NRXN1: variants seen among roughly 807,000 people sequenced by gnomAD.
NRXN1 encodes neurexin 1.
In NRXN1, 39 loss-of-function variants were observed where a neutral mutation model predicts 150.9. The observed-to-expected ratio is 0.26, with a 90% confidence interval of 0.20 to 0.34. The LOEUF is 0.34. Among genes scored for constraint, NRXN1 ranks in the 10% least tolerant of loss-of-function variants. The pLI is 1.00. For missense variants in NRXN1, 1,815 were observed against 1,949.9 expected (o/e 0.93, Z 1.30); for synonymous variants, 924 against 757.0 (o/e 1.22, Z -3.62).
intron 5 of NRXN1, among the ~76,000 whole-genome samples, chr2:50,627,440 A>G (rs1462778905): frequency 1.3e-5 from 2 of 149,756 alleles, no homozygotes; most frequent in Non-Finnish European, 3.0e-5. Context: ...ATTGTCTGGC[A>G]TTGCAGGTAA....
At chr2:50,424,147 G>GAGGA (rs2084257049) in intron 17 of NRXN1, among the ~76,000 whole-genome samples, 4 of 111,712 alleles carry the variant, frequency 3.6e-5, no homozygotes, top group Non-Finnish European at 5.6e-5. Flanking sequence ...GGAGGAGGGG[G>GAGGA]GGAGGAGGAA....
chr2:50,811,959 A>T (rs3850337), intron 5 of NRXN1, among the ~76,000 whole-genome samples: 6,810 of 152,216 alleles, frequency 0.045, 285 homozygotes, highest in Admixed American at 0.14. Flanking sequence ...ATCATTAAGC[A>T]ATTCCAACCT....
At chr2:50,720,748 T>C (rs994795325) in intron 5 of NRXN1, among the ~76,000 whole-genome samples, 4 of 152,190 alleles carry the variant, frequency 2.6e-5, no homozygotes, top group Admixed American at 1.3e-4. Context: ...AGTATTTTAA[T>C]ACAAGATAAC....
intron 21 of NRXN1, among the ~76,000 whole-genome samples, chr2:49,950,803 A>G (rs534625055): frequency 2.8e-4 from 42 of 152,054 alleles, no homozygotes; most frequent in African/African-American, 9.6e-4. Flanking sequence ...CATCTACCCA[A>G]TTTGAATGTG....
chr2:50,117,142 A>G (rs1157856553), intron 18 of NRXN1, among the ~76,000 whole-genome samples: 2 of 152,308 alleles, frequency 1.3e-5, no homozygotes, highest in African/African-American at 4.8e-5. Context: ...CTGTTTAGAC[A>G]AGAAAATCAG....
At position 50,643,884 on chromosome 2, in the gene NRXN1, G is replaced by A. The variant is rs552877765; in HGVS notation, c.833-20269C>T. On this transcript the variant is annotated intron_variant, in intron 5 of 22. Coordinates refer to ENST00000401669, the MANE Select transcript of NRXN1 (RefSeq NM_001330078.2). ...TTAGGCTTTTATAAACATTTAGCTT[G>A]CATATCAATTTTACAGTTTGTCAAG... is the stretch of plus-strand genomic sequence containing the variant. 4.0e-5 allele frequency among the ~76,000 whole-genome samples: 6 copies of A among 151,762 alleles called. No individual in the cohort carries two copies. The South Asian group carries it at 1.2e-3, about 32-fold the overall frequency.
chr2:50,511,322 T>A (rs1316183903), intron 12 of NRXN1, among the ~76,000 whole-genome samples: 1 of 152,210 alleles, frequency 6.6e-6, no homozygotes, highest in Non-Finnish European at 1.5e-5. Context: ...ACCAAAGTGC[T>A]GGAATTACAG....
At chr2:49,939,408 T>C (rs1193018626) in intron 22 of NRXN1, among the ~76,000 whole-genome samples, 2 of 152,208 alleles carry the variant, frequency 1.3e-5, no homozygotes, top group Non-Finnish European at 2.9e-5. Context: ...GAGCTGGGGT[T>C]CAATTAGCCC....
At chr2:50,042,270 C>A (rs1404274754) in intron 21 of NRXN1, among the ~76,000 whole-genome samples, 2 of 152,112 alleles carry the variant, frequency 1.3e-5, no homozygotes, top group Admixed American at 6.5e-5. Flanking sequence ...TTCCCATAAT[C>A]CCCATGTGCC....
intron 17 of NRXN1, among the ~76,000 whole-genome samples, chr2:50,397,396 A>G (rs544273693): frequency 7.2e-5 from 11 of 152,220 alleles, no homozygotes; most frequent in South Asian, 4.1e-4. Flanking sequence ...TAAGCAAAGA[A>G]TGACAAGCAG....
chr2:50,502,497 C>T (rs1010743372), intron 13 of NRXN1, among the ~76,000 whole-genome samples: 14 of 152,024 alleles, frequency 9.2e-5, no homozygotes, highest in East Asian at 3.9e-4. Context: ...CACACACACA[C>T]GAGTCATGGT....
intron 17 of NRXN1, among the ~76,000 whole-genome samples, chr2:50,398,590 C>T (rs893071854): frequency 6.6e-6 from 1 of 152,048 alleles, no homozygotes; most frequent in Non-Finnish European, 1.5e-5. Flanking sequence ...GCAGATAAAA[C>T]TGGGAAGGAG....
chr2:50,345,218 A>T (rs1386645793), intron 17 of NRXN1, among the ~76,000 whole-genome samples: 3 of 152,320 alleles, frequency 2.0e-5, no homozygotes, highest in African/African-American at 7.2e-5. Context: ...AAATTCCTAG[A>T]ACCCACAGGG....
chr2:50,127,428 T>A (rs1704767077), intron 18 of NRXN1, among the ~76,000 whole-genome samples: 1 of 152,176 alleles, frequency 6.6e-6, no homozygotes, highest in South Asian at 2.1e-4. Context: ...TTTTTGTCAC[T>A]TGAAATAGAA....
intron 18 of NRXN1, among the ~76,000 whole-genome samples, chr2:50,134,968 G>A (rs146748786): frequency 6.6e-6 from 1 of 152,068 alleles, no homozygotes; most frequent in African/African-American, 2.4e-5. Context: ...CCCCTCCACT[G>A]CCTCTTTCTT....
At chr2:50,377,969 C>T (rs1027419901) in intron 17 of NRXN1, among the ~76,000 whole-genome samples, 11 of 152,144 alleles carry the variant, frequency 7.2e-5, no homozygotes, top group Admixed American at 3.3e-4. Context: ...AAAGAACTGT[C>T]CAAGTTCAAT....
intron 17 of NRXN1, among the ~76,000 whole-genome samples, chr2:50,246,513 T>C (rs1399932160): frequency 6.6e-6 from 1 of 152,114 alleles, no homozygotes; most frequent in African/African-American, 2.4e-5. Flanking sequence ...ATCTTCTTCC[T>C]GCCTATCTGC....
chr2:50,951,373 T>C (rs1004809321), intron 2 of NRXN1, among the ~76,000 whole-genome samples: 3 of 152,198 alleles, frequency 2.0e-5, no homozygotes, highest in Non-Finnish European at 2.9e-5. Context: ...GACAGTACAG[T>C]ATGCTCATTG....
At chr2:50,680,057 G>A (rs1267449644) in intron 5 of NRXN1, among the ~76,000 whole-genome samples, 1 of 152,034 alleles carries the variant, frequency 6.6e-6, no homozygotes, top group Non-Finnish European at 1.5e-5. Flanking sequence ...GCTAAGGTGG[G>A]AGGATTGTTT....
Sources: allele counts gnomAD v4.1 joint callset (sites outside exome capture counted in the v4.1 genomes callset), GRCh38; gene constraint gnomAD v4.1.1; transcripts MANE v1.5; gene names NCBI Gene and HGNC (gene_info 2026-07-23, HGNC 2026-07-21).